Variants in CPAP observed in about 807,000 individuals in gnomAD.
The protein encoded by CPAP is centrosomal P4.1-associated protein.
the CPAP span, among the ~76,000 whole-genome samples, chr13:24,891,188 T>C: frequency 6.6e-6 from 1 of 151,820 alleles, no homozygotes; most frequent in African/African-American, 2.4e-5. Context: ...AGGTGGTCAC[T>C]CTCCTCCTTG....
At chr13:24,915,356 CAT>C in the CPAP span, among the ~76,000 whole-genome samples, 3 of 152,084 alleles carry the variant, frequency 2.0e-5, no homozygotes, top group African/African-American at 7.2e-5. Context: ...GAAATATGCA[CAT>C]AGAGACACTG....
chr13:24,933,036 C>A, the CPAP span: 7 of 1,590,290 alleles, frequency 4.4e-6, no homozygotes, highest in South Asian at 7.7e-5. Context: ...ATTGTATCTT[C>A]TGTTTGAAAG....
At chr13:24,903,790 A>C in the CPAP span, 1 of 1,021,744 alleles carries the variant, frequency 9.8e-7, no homozygotes, top group East Asian at 2.4e-5. Context: ...AAAAAAACTT[A>C]TATGATACAG....
At chr13:24,885,590 A>T in the CPAP span, 2 of 1,580,418 alleles carry the variant, frequency 1.3e-6, no homozygotes, top group Non-Finnish European at 1.7e-6. Context: ...AAGAATATAT[A>T]AAAACAGAGA....
the CPAP span, chr13:24,889,294 A>T: frequency 6.6e-7 from 1 of 1,516,002 alleles, no homozygotes; most frequent in African/African-American, 1.4e-5. Flanking sequence ...ATGTTTTATA[A>T]AAAGATCATG....
the CPAP span, among the ~76,000 whole-genome samples, chr13:24,892,010 C>T: frequency 3.7e-4 from 57 of 152,304 alleles, no homozygotes; most frequent in East Asian, 0.01. Context: ...CCTGCTTCTC[C>T]GAAGGTCTCG....
the CPAP span, chr13:24,909,673 C>A: frequency 2.1e-6 from 2 of 959,260 alleles, no homozygotes; most frequent in Non-Finnish European, 3.2e-6. Flanking sequence ...GCCTGAGCAA[C>A]ACGGCAACAC....
chr13:24,919,749 G>C, the CPAP span, among the ~76,000 whole-genome samples: 7 of 150,576 alleles, frequency 4.6e-5, no homozygotes, highest in Non-Finnish European at 1.0e-4. Context: ...ATTTTAGCTA[G>C]ATATGAAAAC....
chr13:24,896,942 T>G, the CPAP span, among the ~76,000 whole-genome samples: 3 of 152,248 alleles, frequency 2.0e-5, no homozygotes, highest in Non-Finnish European at 2.9e-5. Flanking sequence ...GTATATGTCT[T>G]GTTCACTAAA....
the CPAP span, chr13:24,903,793 TG>T: frequency 1.9e-6 from 2 of 1,032,688 alleles, no homozygotes; most frequent in Non-Finnish European, 3.0e-6. Context: ...AAAACTTATA[TG>T]ATACAGATTT....
the CPAP span, among the ~76,000 whole-genome samples, chr13:24,923,867 T>C: frequency 5.9e-5 from 9 of 152,164 alleles, no homozygotes; most frequent in African/African-American, 9.7e-5. Context: ...CTCGCTCTGT[T>C]GCCCAGGCTG....
chr13:24,912,119 T>G, the CPAP span: 11 of 1,549,158 alleles, frequency 7.1e-6, no homozygotes, highest in African/African-American at 1.4e-4. Flanking sequence ...CAATTCTTCA[T>G]GGACACCTCG....
the CPAP span, chr13:24,910,073 C>A: frequency 1.2e-6 from 2 of 1,612,526 alleles, no homozygotes; most frequent in Non-Finnish European, 1.7e-6. Flanking sequence ...GATCATCAGG[C>A]AGTAAACTCA....
chr13:24,885,978 G>A, the CPAP span: 1 of 417,798 alleles, frequency 2.4e-6, no homozygotes, highest in Non-Finnish European at 4.5e-6. Context: ...AGATAAAAGA[G>A]GCATCTAAGA....
chr13:24,908,195 A>C, the CPAP span: 1 of 1,072,988 alleles, frequency 9.3e-7, no homozygotes, highest in African/African-American at 1.6e-5. Flanking sequence ...TGAGAATTCT[A>C]CAAGTTACTA....
At chr13:24,902,185 C>T in the CPAP span, among the ~76,000 whole-genome samples, 1 of 151,614 alleles carries the variant, frequency 6.6e-6, no homozygotes, top group African/African-American at 2.4e-5. Context: ...TGTCTAAATT[C>T]GAGGACTGAA....
the CPAP span, among the ~76,000 whole-genome samples, chr13:24,895,295 G>A: frequency 2.5e-3 from 387 of 152,366 alleles, 6 homozygotes; most frequent in African/African-American, 9.2e-3. Context: ...GAAAGCCAAG[G>A]CCGGGTGTGG....
the CPAP span, among the ~76,000 whole-genome samples, chr13:24,914,187 C>G: frequency 4.6e-5 from 7 of 152,116 alleles, no homozygotes; most frequent in Admixed American, 6.5e-5. Flanking sequence ...AAATTAAGGA[C>G]CAAGGGATGG....
chr13:24,916,933 G>A, the CPAP span, among the ~76,000 whole-genome samples: 1 of 152,104 alleles, frequency 6.6e-6, no homozygotes, highest in African/African-American at 2.4e-5. Context: ...ACAGTAGTGT[G>A]TATTATCAGA....
Sources: gnomAD v4.1 joint callset for allele counts (sites outside exome capture counted in the v4.1 genomes callset) on GRCh38, gnomAD v4.1.1 for gene constraint, MANE v1.5 for transcripts, NCBI Gene and HGNC (gene_info 2026-07-23, HGNC 2026-07-21) for gene names.